The following DNMT3A variants were observed in gnomAD, a reference collection of about 807,000 sequenced individuals.
DNMT3A encodes the protein DNA methyltransferase 3 alpha.
DNMT3A carries 267 observed loss-of-function variants against 117.6 expected under a neutral mutation model. The ratio of observed to expected loss-of-function variants is 2.27; its 90% confidence interval spans 2.05 to 2.51. The LOEUF is 2.51. Ranked by LOEUF, DNMT3A falls within the 30% of genes most tolerant of loss-of-function variation. The pLI is 0.00. For missense variants in DNMT3A, 1,029 were observed against 1,260.2 expected, an observed-to-expected ratio of 0.82 and a Z score of 2.78; for synonymous variants, 432 against 474.8, an observed-to-expected ratio of 0.91 and a Z score of 1.17.
rs2032317671 is a variant in DNMT3A, at chr2:25,286,432, G to A, written c.178-3721C>T. ...TTTCCAGCCCCGGGTTAGCTCACCC[G>A]CTGAAATCCCCACTCCCGCATCTGG... On this transcript the variant is annotated intron_variant, in intron 3 of 22. Coordinates refer to ENST00000321117, the MANE Select transcript of DNMT3A (RefSeq NM_022552.5). This position sits in a 1 kb window ranked among gnomAD's most constrained non-coding sequence, Gnocchi z 4.3. 6.6e-6 allele frequency among the ~76,000 whole-genome samples: 1 copy of A among 152,296 alleles called. No individual in the cohort carries two copies. The highest frequency in any genetic ancestry group is 6.5e-5 in the Admixed American group (1 of 15,288).
Position 25,247,397 on chromosome 2 carries a change from C to G in DNMT3A, c.1014+194G>C, listed in dbSNP as rs1279495661. ...GGTTCCTGGAAGGCTAAAACTGGGC[C>G]AGCATCCTAGCTCTCTGAGCCACAG... On this transcript the variant is annotated intron_variant, in intron 8 of 22. Coordinates refer to ENST00000321117, the MANE Select transcript of DNMT3A (RefSeq NM_022552.5). The surrounding 1 kb of genome is among the most constrained non-coding windows in gnomAD (Gnocchi z 5.6). The G allele has an allele frequency of 1.1e-5, 10 of 943,952 alleles. No homozygotes were observed. In the South Asian group the frequency reaches 1.7e-4, roughly 16 times the overall value. 58.5% of individuals were successfully genotyped at this position (943,952 alleles called of 1,614,324 possible).
Position 25,244,411 on chromosome 2 carries a change from T to C in DNMT3A, c.1668-73A>G, listed in dbSNP as rs188604848. 201 of 1,557,536 alleles carry C rather than the reference T, an allele frequency of 1.3e-4. No homozygotes were observed. In the African/African-American group the frequency reaches 2.3e-3, roughly 18 times the overall value. ...GGAGGCCAAGGTGTGCTACCTGGAA[T>C]GGAAAGACCGGGTCTGGAGCATGGC... On this transcript the variant is annotated intron_variant, in intron 14 of 22. Transcript: ENST00000321117.
intron 6 of DNMT3A, among the ~76,000 whole-genome samples, chr2:25,267,674 G>T (rs563542864): frequency 6.6e-6 from 1 of 152,190 alleles, no homozygotes; most frequent in African/African-American, 2.4e-5. Context: ...AAATTATAAA[G>T]TTCCTATTAT....
At position 25,241,621 on chromosome 2, in the gene DNMT3A, C is replaced by G; in HGVS notation, c.2023G>C (p.Val675Leu). 6.2e-7 allele frequency: 1 copy of G among 1,614,216 alleles called. No homozygotes were observed. The highest frequency in any genetic ancestry group is 8.5e-7 in the Non-Finnish European group (1 of 1,180,020). Reference sequence around the variant, plus strand: ...TACATGATCTTCCCCTGGTGCCGCACCATGCCCACCGTGATGGAGTCCTCA... The same window carrying G: ...TACATGATCTTCCCCTGGTGCCGCAGCATGCCCACCGTGATGGAGTCCTCA... ...VCEDSITVGM[V>L]RHQGKIMYVG... The change falls in exon 17 of 23, where the codon GTG becomes CTG. Residue 675 changes from valine to leucine, a missense_variant. Val to Leu is a conservative substitution (Grantham distance 32). Coordinates refer to ENST00000321117, the MANE Select transcript of DNMT3A (RefSeq NM_022552.5).
intron 1 of DNMT3A, among the ~76,000 whole-genome samples, chr2:25,332,806 G>C (rs572308604): frequency 1.2e-4 from 18 of 152,268 alleles, no homozygotes; most frequent in Non-Finnish European, 2.1e-4. Context: ...CCTGTGCGTG[G>C]ATGGCAACAA....
At position 25,252,241 on chromosome 2, in the gene DNMT3A, C is replaced by G; in HGVS notation, c.640-3989G>C. ...TCTGCAGTCGCGCTCAGGTGTGAGC[C>G]GCGGCCCTGAAGCTCTGGAAGTAGC... On this transcript the variant is annotated intron_variant, in intron 6 of 22. Coordinates refer to ENST00000321117, the MANE Select transcript of DNMT3A (RefSeq NM_022552.5). This position sits in a 1 kb window ranked among gnomAD's most constrained non-coding sequence, Gnocchi z 5.5. The G allele has an allele frequency of 6.8e-7, 1 of 1,470,272 alleles. No individual in the cohort carries two copies. Among genetic ancestry groups the G allele is most frequent in the Non-Finnish European group, 9.1e-7 (1 of 1,101,108 alleles). The allele number at this position is 1,470,272 out of a possible 1,614,324, so 91.1% of individuals were successfully genotyped here.
intron 12 of DNMT3A, 127 bp downstream of exon 12, chr2:25,245,893 C>T (rs1037974938): frequency 1.0e-4 from 122 of 1,200,368 alleles, no homozygotes; most frequent in South Asian, 3.6e-4. Flanking sequence ...GCACGAAGCA[C>T]GGTGAAGGTG....
intron 2 of DNMT3A, among the ~76,000 whole-genome samples, chr2:25,310,132 G>A (rs148711535): frequency 4.3e-4 from 65 of 152,290 alleles, no homozygotes; most frequent in Non-Finnish European, 9.1e-4. Context: ...CTTAGCCATT[G>A]TGTTTCTGAG....
Position 25,254,882 on chromosome 2 carries a change from AC to A in DNMT3A, c.640-6631del, listed in dbSNP as rs1238964503. Among the ~76,000 whole-genome samples the A allele has an allele frequency of 6.6e-6, 1 of 152,188 alleles. No individual in the cohort carries two copies. The highest frequency in any genetic ancestry group is 1.5e-5 in the Non-Finnish European group (1 of 68,038). On this transcript the variant is annotated intron_variant, in intron 6 of 22. Transcript: ENST00000321117. The surrounding 1 kb of genome is among the most constrained non-coding windows in gnomAD (Gnocchi z 4.7). ...CAATGATGCCGTGCGTGCAGCAAGGACTCAAGGTGTCAGAACTGGCCAGAAC... is the reference window on the plus strand; with the variant it reads ...CAATGATGCCGTGCGTGCAGCAAGGATCAAGGTGTCAGAACTGGCCAGAAC...
At position 25,339,716 on chromosome 2, in the gene DNMT3A, C is replaced by G. The variant is rs2035339198; in HGVS notation, c.-178+2110G>C. Among the ~76,000 whole-genome samples, 1 of 152,210 alleles carries G rather than the reference C, an allele frequency of 6.6e-6. No individual in the cohort carries two copies. The highest frequency in any genetic ancestry group is 2.1e-4 in the South Asian group (1 of 4,836). The stretch of plus-strand genomic sequence containing the variant: ...CAGGAACTCCCTACAACCCAACTCT[C>G]CAAAGGCAGGCAGCTCAGAAAACTA... On this transcript the variant is annotated intron_variant, in intron 1 of 22. Coordinates refer to ENST00000321117, the MANE Select transcript of DNMT3A (RefSeq NM_022552.5). The surrounding 1 kb of genome is among the most constrained non-coding windows in gnomAD (Gnocchi z 4.9).
chr2:25,324,556 G>C (rs1415944819), intron 1 of DNMT3A, among the ~76,000 whole-genome samples: 1 of 152,210 alleles, frequency 6.6e-6, no homozygotes, highest in African/African-American at 2.4e-5. Context: ...AGCTTAGGAG[G>C]AGGTGCAAAT....
chr2:25,340,333 G>A (rs2035367074), intron 1 of DNMT3A, among the ~76,000 whole-genome samples: 1 of 152,226 alleles, frequency 6.6e-6, no homozygotes, highest in Non-Finnish European at 1.5e-5. Flanking sequence ...CCAGGACGGA[G>A]GGGATGAGGA....
chr2:25,326,488 C>T (rs1347377517), intron 1 of DNMT3A, among the ~76,000 whole-genome samples: 1 of 152,152 alleles, frequency 6.6e-6, no homozygotes, highest in Non-Finnish European at 1.5e-5. Flanking sequence ...TCAGTTTATT[C>T]GCCCATCATT....
intron 16 of DNMT3A, among the ~76,000 whole-genome samples, chr2:25,242,879 TA>T (rs1278906240): frequency 6.6e-6 from 1 of 151,436 alleles, no homozygotes; most frequent in Admixed American, 6.6e-5. Context: ...TTCAAGTATA[TA>T]TTCTATCAGG....
chr2:25,248,583 T>C (rs929534846), intron 6 of DNMT3A, among the ~76,000 whole-genome samples: 18 of 152,072 alleles, frequency 1.2e-4, no homozygotes, highest in African/African-American at 4.3e-4. Flanking sequence ...AGAGTCACTC[T>C]TTCACCCAGG....
chr2:25,332,097 C>G (rs6713377), intron 1 of DNMT3A, among the ~76,000 whole-genome samples: 6 of 152,144 alleles, frequency 3.9e-5, no homozygotes, highest in African/African-American at 9.6e-5. Context: ...GCCTTCCACC[C>G]GGGCTCCCTG....
intron 14 of DNMT3A, 63 bp from the exon 15 acceptor site, chr2:25,244,401 C>T: frequency 6.4e-7 from 1 of 1,567,370 alleles, no homozygotes; most frequent in Non-Finnish European, 8.7e-7. Context: ...CCAAGGTGTG[C>T]TACCTGGAAT....
intron 3 of DNMT3A, among the ~76,000 whole-genome samples, chr2:25,283,360 C>CAAAA (rs56884375): frequency 1.5e-5 from 1 of 66,358 alleles, no homozygotes; most frequent in Non-Finnish European, 3.0e-5. Context: ...GACTCCGCCT[C>CAAAA]AAAAAAAAAA....
rs2034917874 is a variant in DNMT3A at position 25,329,261 on chromosome 2, C to T, written c.-178+12565G>A. The stretch of plus-strand genomic sequence containing the variant: ...CAGCAGTCCCTGCCTCAAACCCTGG[C>T]TCTGTCACTGAGAGATTCGGGCCTC... On this transcript the variant is annotated intron_variant, in intron 1 of 22. Coordinates refer to ENST00000321117, the MANE Select transcript of DNMT3A (RefSeq NM_022552.5). 2.0e-5 allele frequency among the ~76,000 whole-genome samples: 3 copies of T among 152,290 alleles called. No individual in the cohort carries two copies. The South Asian group carries it at 6.2e-4, about 32-fold the overall frequency.
Sources: gnomAD v4.1 joint callset for allele counts (sites outside exome capture counted in the v4.1 genomes callset) on GRCh38, gnomAD v4.1.1 for gene constraint, Gnocchi (gnomAD v3.1) non-coding constraint, MANE v1.5 for transcripts, NCBI Gene and HGNC (gene_info 2026-07-23, HGNC 2026-07-21) for gene names.